The following NRK variants were observed in gnomAD, a reference collection of about 807,000 sequenced individuals.
NRK encodes the protein Nik related kinase, also known as nik-related protein kinase.
Under a neutral mutation model 125.2 loss-of-function variants are expected in NRK, and 67 were observed. The observed-to-expected ratio is 0.54, with a 90% confidence interval of 0.44 to 0.66. The LOEUF (loss-of-function observed/expected upper bound fraction) is 0.66, where lower values mean the gene tolerates loss of function less well. Ranked by LOEUF, NRK falls within the 30% of genes least tolerant of loss-of-function variation. The pLI is 0.00. For missense variants in NRK, 1,224 were observed against 1,192.9 expected, an observed-to-expected ratio of 1.03 and a Z score of -0.38; for synonymous variants, 458 against 429.0, an observed-to-expected ratio of 1.07 and a Z score of -0.84.
intron 9 of NRK, 87 bp from the exon 10 acceptor site, chrX:105,905,178 G>A: frequency 1.6e-6 from 1 of 642,402 alleles, no homozygotes; most frequent in South Asian, 2.4e-5. Context: ...ATATGTGAAA[G>A]ATCACTGAGA....
chrX:105,934,865 C>T (rs145656536), intron 20 of NRK, among the ~76,000 whole-genome samples: 29 of 111,751 alleles, frequency 2.6e-4, no homozygotes, highest in Non-Finnish European at 4.0e-4. Context: ...GGCTGGATTA[C>T]AGTGGCAGGA....
chrX:105,895,195 T>G (rs1261282833), intron 6 of NRK: 1 of 502,472 alleles, frequency 2.0e-6, no homozygotes, highest in Non-Finnish European at 3.5e-6. Flanking sequence ...TTTGGTGCTC[T>G]TTTTTTTCGT....
chrX:105,897,070 G>C (rs2040094541), intron 7 of NRK, among the ~76,000 whole-genome samples: 1 of 112,130 alleles, frequency 8.9e-6, no homozygotes, highest in Non-Finnish European at 1.9e-5. Context: ...CTGTCACAAT[G>C]TCCATGCACT....
chrX:105,913,887 T>C (rs1224227357), intron 14 of NRK, among the ~76,000 whole-genome samples: 1 of 111,184 alleles, frequency 9.0e-6, no homozygotes, highest in Non-Finnish European at 1.9e-5. Context: ...AAGTTAGTCC[T>C]AGTGTCCATT....
At chrX:105,901,741 G>A (rs1569305924) in intron 9 of NRK, among the ~76,000 whole-genome samples, 1 of 111,453 alleles carries the variant, frequency 9.0e-6, no homozygotes, top group Non-Finnish European at 1.9e-5. Flanking sequence ...CTTCTTGCCT[G>A]TATTATAATG....
At chrX:105,895,051 G>T (rs183207955) in intron 6 of NRK, among the ~76,000 whole-genome samples, 1 of 112,080 alleles carries the variant, frequency 8.9e-6, no homozygotes, top group Non-Finnish European at 1.9e-5. Context: ...TAAACAAATG[G>T]TTGGGTAAGA....
Position 105,934,269 on chromosome X carries a change from T to C in NRK, c.3324T>C (p.Gly1108=). Residue 1108 remains glycine (G), a synonymous_variant, in exon 20 of 29, where the codon GGT becomes GGC. Transcript: ENST00000243300. ...DFEYLQEEPG[G]GNEASNAIDS... ...TGGACTTCTTTTAGGAGCCAGGTGG[T>C]GGAAATGAGGCCTCAAATGCCATTG... 8.5e-7 allele frequency: 1 copy of C among 1,169,903 alleles called. No individual in the cohort carries two copies. Among genetic ancestry groups the C allele is most frequent in the African/African-American group, 1.8e-5 (1 of 55,737 alleles).
chrX:105,849,471 C>T (rs1349407732), intron 2 of NRK, among the ~76,000 whole-genome samples: 1 of 111,347 alleles, frequency 9.0e-6, no homozygotes, highest in Non-Finnish European at 1.9e-5. Context: ...TCCCAACAGT[C>T]CCGCATTAAC....
In NRK at chrX:105,924,743, A is replaced by T. The variant is rs1459887931; in HGVS notation, c.3024A>T (p.Gly1008=). Residue 1008 remains glycine, a synonymous_variant, in exon 19 of 29, where the codon GGA becomes GGT. Coordinates refer to ENST00000243300, the MANE Select transcript of NRK (RefSeq NM_198465.4). The part of the protein sequence containing the change: ...DGSCKQDGYD[G]SRGKEEAYRG... ...GCTGCAAGCAAGATGGTTATGATGG[A>T]AGTCGTGGAAAAGAGGAAGCCTACA... The T allele has an allele frequency of 4.2e-6, 5 of 1,201,142 alleles. No homozygotes were observed. Among genetic ancestry groups the T allele is most frequent in the Non-Finnish European group, 5.6e-6 (5 of 890,534 alleles).
intron 16 of NRK, among the ~76,000 whole-genome samples, chrX:105,921,146 C>T (rs1326443155): frequency 1.0e-4 from 11 of 106,347 alleles, no homozygotes; most frequent in Non-Finnish European, 2.1e-4. Flanking sequence ...GAATACTATG[C>T]AGCCATAAAA....
In NRK at chrX:105,923,444, T is replaced by C. The variant is rs1373987838; in HGVS notation, c.2937T>C (p.Asp979=). 14 of 1,142,645 alleles carry C rather than the reference T, an allele frequency of 1.2e-5. No homozygotes were observed. Among genetic ancestry groups the C allele is most frequent in the Non-Finnish European group, 1.6e-5 (14 of 856,015 alleles). 94.2% of individuals were successfully genotyped at this position (1,142,645 alleles called of 1,213,427 possible). A position where few individuals can be genotyped will look rare whatever the true frequency, so the allele number is the denominator to read the frequency against. ...ATGACAACAATAAGTTTGTTGATGA[T>C]GTAAATAATAATTATTATGAGGCGC... ...HDDDNNKFVD[D]VNNNYYEAPS... is the part of the protein sequence containing the mutation. The change falls in exon 18 of 29, where the codon GAT becomes GAC. Residue 979 remains aspartate (D), a synonymous_variant. Coordinates refer to ENST00000243300, the MANE Select transcript of NRK (RefSeq NM_198465.4).
At chrX:105,944,154 T>C (rs1254809706) in intron 24 of NRK, 113 bp downstream of exon 24, 2 of 420,506 alleles carry the variant, frequency 4.8e-6, no homozygotes, top group Non-Finnish European at 8.1e-6. Context: ...TCTTCTATAG[T>C]TAATGAAATT....
intron 28 of NRK, among the ~76,000 whole-genome samples, chrX:105,954,581 TA>T (rs760062379): frequency 1.1e-3 from 122 of 110,933 alleles, no homozygotes; most frequent in African/African-American, 3.8e-3. Context: ...TACAGTTACA[TA>T]CACTGTAAGC....
intron 19 of NRK, among the ~76,000 whole-genome samples, chrX:105,933,400 CTT>C (rs2040622094): frequency 8.9e-6 from 1 of 111,839 alleles, no homozygotes; most frequent in African/African-American, 3.3e-5. Flanking sequence ...AAAAACCAGT[CTT>C]TTGCAGAATA....
intron 2 of NRK, among the ~76,000 whole-genome samples, chrX:105,836,501 C>T (rs1445328737): frequency 3.6e-5 from 4 of 111,483 alleles, no homozygotes; most frequent in African/African-American, 1.3e-4. Flanking sequence ...TTTTTTCTAC[C>T]TCTAATTACT....
intron 3 of NRK, 45 bp downstream of exon 3, chrX:105,880,300 G>C: frequency 1.8e-6 from 1 of 558,114 alleles, no homozygotes. Flanking sequence ...AGTGGACTGT[G>C]TTCCTGGGAT....
chrX:105,895,363 C>CATAA, intron 6 of NRK, 70 bp from the exon 7 acceptor site: 1 of 780,186 alleles, frequency 1.3e-6, no homozygotes, highest in Non-Finnish European at 1.9e-6. Flanking sequence ...AGAACTGTAC[C>CATAA]AGAAAGAAAG....
intron 16 of NRK, among the ~76,000 whole-genome samples, chrX:105,918,456 AC>A (rs1252871739): frequency 9.0e-6 from 1 of 111,450 alleles, no homozygotes; most frequent in Admixed American, 9.6e-5. Context: ...GATGTACTTC[AC>A]TTTTTGAAAA....
At chrX:105,833,587 A>G (rs1391517111) in intron 2 of NRK, among the ~76,000 whole-genome samples, 1 of 111,686 alleles carries the variant, frequency 9.0e-6, no homozygotes, top group Admixed American at 9.6e-5. Flanking sequence ...GCTACTCATT[A>G]TCATTCATGT....
Sources: gnomAD v4.1 joint callset for allele counts (sites outside exome capture counted in the v4.1 genomes callset) on GRCh38, gnomAD v4.1.1 for gene constraint, MANE v1.5 for transcripts, NCBI Gene and HGNC (gene_info 2026-07-23, HGNC 2026-07-21) for gene names.